MGAT5: variants seen among roughly 807,000 people sequenced by gnomAD.
MGAT5 encodes alpha-1,6-mannosylglycoprotein 6-beta-N-acetylglucosaminyltransferase A.
A neutral mutation model predicts 94.3 loss-of-function variants in MGAT5; 30 were observed. The observed-to-expected ratio is 0.32, with a 90% confidence interval of 0.24 to 0.43. MGAT5 has a LOEUF of 0.43. Among genes scored for constraint, MGAT5 ranks in the 20% least tolerant of loss-of-function variants. The probability of loss-of-function intolerance (pLI) is 1.00; values close to 1 mark genes in which losing one functional copy is unlikely to be tolerated. For missense variants in MGAT5, 691 were observed against 905.5 expected, an observed-to-expected ratio of 0.76 and a Z score of 3.04; for synonymous variants, 310 against 322.9, an observed-to-expected ratio of 0.96 and a Z score of 0.43.
chr2:134,219,440 C>A (rs972876585), intron 1 of MGAT5, among the ~76,000 whole-genome samples: 2 of 152,076 alleles, frequency 1.3e-5, no homozygotes, highest in African/African-American at 4.8e-5. Flanking sequence ...TCTTCTCTCT[C>A]CCATGCCGGT....
intron 10 of MGAT5, among the ~76,000 whole-genome samples, chr2:134,364,523 CCATTAACCATGTTGCT>C (rs1267911526): frequency 5.0e-4 from 76 of 151,856 alleles, no homozygotes; most frequent in African/African-American, 1.8e-3. Context: ...AATCCCAAAA[CCATTAACCATGTTGCT>C]CAAGTGATCT....
At chr2:134,305,464 A>G (rs1455535702) in intron 2 of MGAT5, among the ~76,000 whole-genome samples, 1 of 152,206 alleles carries the variant, frequency 6.6e-6, no homozygotes, top group Non-Finnish European at 1.5e-5. Context: ...CAGCCCAAGG[A>G]TATAGCTAGC....
intron 2 of MGAT5, among the ~76,000 whole-genome samples, chr2:134,279,282 A>G (rs539936076): frequency 6.6e-6 from 1 of 152,216 alleles, no homozygotes; most frequent in African/African-American, 2.4e-5. Flanking sequence ...TGGAAAGTTT[A>G]CTGCTAAATT....
chr2:134,170,855 C>CTTT lies in MGAT5; in HGVS notation c.-143+50574_-143+50576dup, dbSNP rs112717170. Among the ~76,000 whole-genome samples, 22 of 145,908 alleles carry CTTT rather than the reference C, an allele frequency of 1.5e-4. 1 individual carries two copies. The highest frequency in any genetic ancestry group is 1.3e-3 in the South Asian group (6 of 4,628). On this transcript the variant is annotated intron_variant, in intron 1 of 16. Transcript: ENST00000409645. ...CACATAGTAGATATAGATCTCTACT[C>CTTT]TTTTTTTTTTTTCTTTTTTTTGAGA...
At chr2:134,396,373 A>C (rs1186911466) in intron 10 of MGAT5, among the ~76,000 whole-genome samples, 1 of 152,100 alleles carries the variant, frequency 6.6e-6, no homozygotes, top group African/African-American at 2.4e-5. Context: ...ATAATTTTTC[A>C]TCTTTGTTGA....
intron 14 of MGAT5, among the ~76,000 whole-genome samples, chr2:134,437,692 G>T (rs1685237382): frequency 1.3e-5 from 2 of 152,170 alleles, no homozygotes. Flanking sequence ...TTTAAAGGCT[G>T]CAGAAGTTAT....
intron 1 of MGAT5, among the ~76,000 whole-genome samples, chr2:134,233,243 A>G (rs1165872865): frequency 2.0e-5 from 3 of 152,290 alleles, no homozygotes; most frequent in East Asian, 3.9e-4. Context: ...GAATGGCTCT[A>G]TGCAATGAAT....
In MGAT5 at chr2:134,412,969, G is replaced by A. The variant is rs1683758379; in HGVS notation, c.1631G>A (p.Ser544Asn). 2 of 1,614,184 alleles carry A rather than the reference G, an allele frequency of 1.2e-6. No individual in the cohort carries two copies. The highest frequency in any genetic ancestry group is 1.6e-4 in the Middle Eastern group (1 of 6,062). ...AATCCCAAGTTCAACCCACCCAAAA[G>A]CAGCAAAAACACAGACTTTTTCATT... is the stretch of plus-strand genomic sequence containing the variant. The part of the protein sequence containing the change: ...FLNPKFNPPK[S>N]SKNTDFFIGK... Residue 544 changes from serine (S) to asparagine (N), a missense_variant, in exon 12 of 16, where the codon AGC (serine) becomes AAC (asparagine). Physicochemically the swap from Ser to Asn is conservative, Grantham distance 46. Transcript: ENST00000281923.
At position 134,448,743 on chromosome 2, in the gene MGAT5, C is replaced by T; in HGVS notation, c.2122C>T (p.Leu708Phe). The change falls in exon 16 of 16, where the codon CTC becomes TTC. Residue 708 changes from leucine to phenylalanine, a missense_variant. Leu to Phe is a conservative substitution (Grantham distance 22). This residue lies in a region of MGAT5 where 260 missense variants were observed against 347.0 expected (regional missense o/e 0.75). Coordinates refer to ENST00000281923, the MANE Select transcript of MGAT5 (RefSeq NM_002410.5). ...KNKHCVFQGD[L>F]LLFSCAGAHP... ...TAAGCACTGTGTGTTTCAAGGTGACCTCCTGCTCTTCAGCTGTGCAGGCGC... is the reference window on the plus strand; with the variant it reads ...TAAGCACTGTGTGTTTCAAGGTGACTTCCTGCTCTTCAGCTGTGCAGGCGC... 1 of 1,614,200 alleles carries T rather than the reference C, an allele frequency of 6.2e-7. No homozygotes were observed. The highest frequency in any genetic ancestry group is 8.5e-7 in the Non-Finnish European group (1 of 1,180,042).
At chr2:134,361,234 A>T (rs1180656469) in intron 9 of MGAT5, among the ~76,000 whole-genome samples, 1 of 152,212 alleles carries the variant, frequency 6.6e-6, no homozygotes, top group African/African-American at 2.4e-5. Context: ...GATGTGGTGG[A>T]CTTTTCAGAA....
intron 1 of MGAT5, among the ~76,000 whole-genome samples, chr2:134,198,912 GA>G (rs1382957567): frequency 2.4e-4 from 36 of 152,308 alleles, no homozygotes; most frequent in African/African-American, 7.7e-4. Context: ...AAGTATAAAA[GA>G]GGCCAAAGTT....
At chr2:134,342,476 T>C (rs1017295978) in intron 7 of MGAT5, among the ~76,000 whole-genome samples, 3 of 152,106 alleles carry the variant, frequency 2.0e-5, no homozygotes, top group African/African-American at 4.8e-5. Flanking sequence ...ATGAGAGACA[T>C]GTTAAAACAA....
intron 1 of MGAT5, among the ~76,000 whole-genome samples, chr2:134,224,374 G>C (rs1257207): frequency 0.79 from 120,453 of 152,100 alleles, 47,897 homozygotes; most frequent in Non-Finnish European, 0.81. Flanking sequence ...GACAGGGAGG[G>C]AGCTTCCTTT....
At chr2:134,407,636 C>G (rs572040081) in intron 11 of MGAT5, among the ~76,000 whole-genome samples, 15 of 152,200 alleles carry the variant, frequency 9.9e-5, no homozygotes, top group Non-Finnish European at 1.3e-4. Context: ...AGGCCTTAGT[C>G]TAGCCATTCT....
chr2:134,130,882 A>G (rs1402531164), intron 1 of MGAT5, among the ~76,000 whole-genome samples: 1 of 152,080 alleles, frequency 6.6e-6, no homozygotes, highest in Non-Finnish European at 1.5e-5. Context: ...AAAGGATTGT[A>G]AATGCACCAA....
intron 1 of MGAT5, among the ~76,000 whole-genome samples, chr2:134,169,415 C>CACACACAG (rs1688101167): frequency 1.7e-5 from 1 of 58,208 alleles, no homozygotes; most frequent in African/African-American, 3.9e-5. Context: ...CACACACAGA[C>CACACACAG]ACACACACAC....
In MGAT5 at chr2:134,449,686, T is replaced by G. The variant is rs1430208747; in HGVS notation, c.*839T>G. The G allele has an allele frequency of 6.6e-6, 1 of 152,220 alleles. No individual in the cohort carries two copies. The highest frequency in any genetic ancestry group is 1.5e-5 in the Non-Finnish European group (1 of 68,052). 9.4% of individuals were successfully genotyped at this position (152,220 alleles called of 1,614,324 possible). A position where few individuals can be genotyped will look rare whatever the true frequency, so the allele number is the denominator to read the frequency against. Reference sequence around the variant, plus strand: ...GAAGGAAATACAGGATTGAGGGATTTTGGAGTTTCTGGTAAACTCACCCTC... The same window carrying G: ...GAAGGAAATACAGGATTGAGGGATTGTGGAGTTTCTGGTAAACTCACCCTC... On this transcript the variant is annotated 3_prime_UTR_variant, in exon 16 of 16. Transcript: ENST00000281923.
chr2:134,309,903 G>T (rs1285502818), intron 2 of MGAT5, among the ~76,000 whole-genome samples: 2 of 152,094 alleles, frequency 1.3e-5, no homozygotes, highest in Non-Finnish European at 2.9e-5. Context: ...AATGACAGAG[G>T]GTATGACAAA....
intron 2 of MGAT5, among the ~76,000 whole-genome samples, chr2:134,271,272 G>A (rs557704986): frequency 4.1e-4 from 62 of 152,004 alleles, no homozygotes; most frequent in Admixed American, 2.0e-3. Context: ...TCAGCCCCTG[G>A]GTCTTTGTGC....
Sources: gnomAD v4.1 joint callset for allele counts (sites outside exome capture counted in the v4.1 genomes callset) on GRCh38, gnomAD v4.1.1 for gene constraint, gnomAD v4.1.1 regional missense constraint, MANE v1.5 for transcripts, NCBI Gene and HGNC (gene_info 2026-07-23, HGNC 2026-07-21) for gene names.